ARID4A: variants seen among roughly 807,000 people sequenced by gnomAD.
ARID4A encodes AT-rich interactive domain-containing protein 4A.
A neutral mutation model predicts 148.6 loss-of-function variants in ARID4A; 39 were observed. The ratio of observed to expected loss-of-function variants is 0.26; its 90% CI spans 0.20 to 0.34. The LOEUF (loss-of-function observed/expected upper bound fraction) is 0.34, where lower values mean the gene tolerates loss of function less well. Ranked by LOEUF, ARID4A falls within the 10% of genes least tolerant of loss-of-function variation. ARID4A has a pLI of 1.00. For missense variants in ARID4A, 1,265 were observed against 1,449.1 expected (o/e 0.87, Z 2.06); for synonymous variants, 475 against 481.2 (o/e 0.99, Z 0.17).
At chr14:58,303,603 GAT>G in intron 3 of ARID4A, 1 of 465,866 alleles carries the variant, frequency 2.1e-6, no homozygotes, top group South Asian at 1.6e-5. Flanking sequence ...AGTAGTGCCT[GAT>G]ACATAGTGGA....
Position 58,315,896 on chromosome 14 carries a change from G to A in ARID4A, c.275-2646G>A, listed in dbSNP as rs116546856. ...GCACAGCTGCTTTTTTAGAATCATG[G>A]TTCTTTGAGTATGTGCTTCGGGAGT... On this transcript the variant is annotated intron_variant, in intron 5 of 23. Coordinates refer to ENST00000355431, the MANE Select transcript of ARID4A (RefSeq NM_002892.4). Among the ~76,000 whole-genome samples, 1,506 of 152,210 alleles carry A rather than the reference G, an allele frequency of 9.9e-3. 27 individuals are homozygous for A. Among genetic ancestry groups the A allele is most frequent in the African/African-American group, 0.034 (1,406 of 41,506 alleles).
intron 7 of ARID4A, among the ~76,000 whole-genome samples, chr14:58,319,719 T>C (rs2032729381): frequency 6.7e-6 from 1 of 150,304 alleles, no homozygotes; most frequent in Non-Finnish European, 1.5e-5. Flanking sequence ...GTTTTTGTAT[T>C]CTTAATAGAG....
chr14:58,351,845 T>A (rs1431009600), intron 16 of ARID4A, among the ~76,000 whole-genome samples: 1 of 152,204 alleles, frequency 6.6e-6, no homozygotes, highest in Non-Finnish European at 1.5e-5. Flanking sequence ...CACCAATAAA[T>A]TTCAGATTTT....
At chr14:58,369,138 C>T (rs1179489866) in intron 23 of ARID4A, among the ~76,000 whole-genome samples, 2 of 151,882 alleles carry the variant, frequency 1.3e-5, no homozygotes, top group Non-Finnish European at 2.9e-5. Flanking sequence ...TGGAATCTGG[C>T]GAGGAGATCC....
At chr14:58,348,111 ATCCCAGATAT>A (rs2034460350) in intron 15 of ARID4A, among the ~76,000 whole-genome samples, 1 of 152,208 alleles carries the variant, frequency 6.6e-6, no homozygotes, top group East Asian at 1.9e-4. Context: ...TCTGGGATGA[ATCCCAGATAT>A]TCCTTTTCCA....
rs575688131 is a variant in ARID4A, at chr14:58,317,192, C to CAA, written c.275-1335_275-1334dup. On this transcript the variant is annotated intron_variant, in intron 5 of 23. Coordinates refer to ENST00000355431, the MANE Select transcript of ARID4A (RefSeq NM_002892.4). ...TGGGGGACAGAGTGAGACTCAGTCTCAAAAAAAAAAAAAAAAGTAGTAAAA... is the reference window on the plus strand; with the variant it reads ...TGGGGGACAGAGTGAGACTCAGTCTCAAAAAAAAAAAAAAAAAAGTAGTAAAA... 1.0e-4 allele frequency among the ~76,000 whole-genome samples: 6 copies of CAA among 59,752 alleles called. No individual in the cohort carries two copies. The South Asian group carries it at 1.6e-3, about 16-fold the overall frequency. The allele number at this position is 59,752 out of a possible 152,430, so 39.2% of individuals were successfully genotyped here. A position where few individuals can be genotyped will look rare whatever the true frequency, so the allele number is the denominator to read the frequency against.
chr14:58,361,062 C>T lies in ARID4A; in HGVS notation c.2080+20C>T. ...AATCAGGTACCAGAAGTGCTCGCAG[C>T]AATATACCAGACAGCTCACCTCTGT... On this transcript the variant is annotated intron_variant, in intron 19 of 23. Coordinates refer to ENST00000355431, the MANE Select transcript of ARID4A (RefSeq NM_002892.4). The T allele has an allele frequency of 6.2e-7, 1 of 1,610,370 alleles. No homozygotes were observed. The highest frequency in any genetic ancestry group is 8.5e-7 in the Non-Finnish European group (1 of 1,178,236).
In ARID4A at chr14:58,365,007, C is replaced by T. The variant is rs1215774110; in HGVS notation, c.2918C>T (p.Thr973Ile). The T allele has an allele frequency of 1.2e-6, 2 of 1,613,984 alleles. No individual in the cohort carries two copies. Among genetic ancestry groups the T allele is most frequent in the African/African-American group, 1.3e-5 (1 of 74,902 alleles). Residue 973 changes from threonine (T) to isoleucine (I), a missense_variant, in exon 20 of 24, where the codon ACC becomes ATC. Around this residue, in one of 9 missense-constraint regions of ARID4A, gnomAD observed 666 missense variants for 730.9 expected, o/e 0.91. Coordinates refer to ENST00000355431, the MANE Select transcript of ARID4A (RefSeq NM_002892.4). ...GATGATTTGGATGAAAAGGATAAGA[C>T]CAGCATTGAGGATGTAGCAGTTGAA... ...DLDDLDEKDKTSIEDVAVESS... is the reference protein window; with the variant it reads ...DLDDLDEKDKISIEDVAVESS...
intron 3 of ARID4A, among the ~76,000 whole-genome samples, chr14:58,302,419 G>T (rs866840685): frequency 6.6e-6 from 1 of 151,840 alleles, no homozygotes; most frequent in Non-Finnish European, 1.5e-5. Flanking sequence ...GCTTGAACCC[G>T]GGAGGCGGAG....
Position 58,366,209 on chromosome 14 carries a change from T to C in ARID4A, c.3502T>C (p.Tyr1168His). 6.2e-7 allele frequency: 1 copy of C among 1,613,492 alleles called. No individual in the cohort carries two copies. The highest frequency in any genetic ancestry group is 8.5e-7 in the Non-Finnish European group (1 of 1,179,510). The change falls in exon 22 of 24, where the codon TAT becomes CAT. Residue 1168 changes from tyrosine (Y) to histidine (H), a missense_variant. Tyr to His is a moderately conservative substitution (Grantham distance 83). Around this residue, in one of 9 missense-constraint regions of ARID4A, gnomAD observed 666 missense variants for 730.9 expected, o/e 0.91. Transcript: ENST00000355431. The stretch of plus-strand genomic sequence containing the variant: ...ACATCCGAATTCATCCCCTAGGACA[T>C]ATAAATGGAGCTTTCAGCTCAGTAA... Reference protein sequence around the residue: ...EKHPNSSPRTYKWSFQLNELD... With the variant: ...EKHPNSSPRTHKWSFQLNELD...
chr14:58,364,062 G>T, intron 19 of ARID4A, 108 bp from the exon 20 acceptor site: 6 of 523,148 alleles, frequency 1.1e-5, no homozygotes, highest in Non-Finnish European at 1.8e-5. Context: ...GAGGTATTCA[G>T]AGGTACATGA....
At chr14:58,316,328 G>A (rs182698062) in intron 5 of ARID4A, among the ~76,000 whole-genome samples, 7 of 152,298 alleles carry the variant, frequency 4.6e-5, no homozygotes, top group African/African-American at 1.7e-4. Context: ...GAATATGGAT[G>A]TTAAGTGTCT....
At chr14:58,309,732 T>C (rs1008039707) in intron 5 of ARID4A, among the ~76,000 whole-genome samples, 11 of 152,198 alleles carry the variant, frequency 7.2e-5, no homozygotes, top group Non-Finnish European at 1.6e-4. Flanking sequence ...CACACACAGA[T>C]CATTTATCAA....
chr14:58,300,769 G>A (rs1689242940), intron 2 of ARID4A, among the ~76,000 whole-genome samples: 2 of 148,368 alleles, frequency 1.3e-5, no homozygotes, highest in Non-Finnish European at 3.0e-5. Context: ...ACTTAACAAT[G>A]TTAAGTTGAA....
At chr14:58,365,751 T>A in intron 21 of ARID4A, 129 bp downstream of exon 21, 1 of 853,720 alleles carries the variant, frequency 1.2e-6, no homozygotes, top group Non-Finnish European at 1.8e-6. Flanking sequence ...AGTATTATAC[T>A]AGATATTTTG....
chr14:58,310,530 C>T (rs979619847), intron 5 of ARID4A, among the ~76,000 whole-genome samples: 2 of 152,144 alleles, frequency 1.3e-5, no homozygotes, highest in Non-Finnish European at 2.9e-5. Flanking sequence ...AAAGGACAGT[C>T]TCTTCGTAAA....
In ARID4A at chr14:58,309,242, A is replaced by G. The variant is rs949209364; in HGVS notation, c.274+3130A>G. ...GCAGTCTTACCGCCTTAGCCTCCCA[A>G]AGTGTTGGGATTACAGGCATGAGCC... On this transcript the variant is annotated intron_variant, in intron 5 of 23. Transcript: ENST00000355431. 3.3e-5 allele frequency among the ~76,000 whole-genome samples: 5 copies of G among 152,242 alleles called. No homozygotes were observed. In the East Asian group the frequency reaches 9.6e-4, roughly 29 times the overall value.
intron 17 of ARID4A, among the ~76,000 whole-genome samples, chr14:58,356,889 A>T (rs2034892309): frequency 1.3e-5 from 2 of 152,128 alleles, no homozygotes; most frequent in South Asian, 4.1e-4. Flanking sequence ...TTTAGTAGAG[A>T]CAGGGTTTCA....
At chr14:58,370,322 G>A (rs556587087) in intron 23 of ARID4A, among the ~76,000 whole-genome samples, 1 of 152,310 alleles carries the variant, frequency 6.6e-6, no homozygotes, top group South Asian at 2.1e-4. Context: ...TTGAGACAGA[G>A]TTTCACTCTT....
Sources: allele counts gnomAD v4.1 joint callset (sites outside exome capture counted in the v4.1 genomes callset), GRCh38; gene constraint gnomAD v4.1.1; regional missense constraint gnomAD v4.1.1; transcripts MANE v1.5; gene names NCBI Gene and HGNC (gene_info 2026-07-23, HGNC 2026-07-21).